EML4: variants seen among roughly 807,000 people sequenced by gnomAD.
EML4 encodes EMAP like 4.
A neutral mutation model predicts 129.0 loss-of-function variants in EML4; 72 were observed. The observed-to-expected ratio is 0.56, with a 90% CI of 0.46 to 0.68. The LOEUF is 0.68. EML4 is among the 30% of genes least tolerant of loss of function. The probability of loss-of-function intolerance (pLI) is 0.00; values close to 1 mark genes in which losing one functional copy is unlikely to be tolerated. For missense variants in EML4, 1,363 were observed against 1,190.6 expected (o/e 1.14, Z -2.13); for synonymous variants, 532 against 405.0 (o/e 1.31, Z -3.77).
intron 1 of EML4, among the ~76,000 whole-genome samples, chr2:42,209,746 A>C (rs1047088596): frequency 6.6e-6 from 1 of 152,172 alleles, no homozygotes; most frequent in Non-Finnish European, 1.5e-5. Flanking sequence ...CCTGACCAAC[A>C]CGGAGAAACC....
intron 1 of EML4, among the ~76,000 whole-genome samples, chr2:42,224,600 C>T (rs1265555040): frequency 6.6e-6 from 1 of 152,042 alleles, no homozygotes; most frequent in African/African-American, 2.4e-5. Context: ...TATGGTGCCT[C>T]TGTTTAACCT....
chr2:42,245,094 C>CCT (rs1675301196), intron 1 of EML4, among the ~76,000 whole-genome samples: 1 of 66,562 alleles, frequency 1.5e-5, no homozygotes. Flanking sequence ...AATTTTCTTT[C>CCT]TTTTTTTTTT....
At chr2:42,279,327 A>G (rs1411794187) in intron 6 of EML4, among the ~76,000 whole-genome samples, 2 of 152,162 alleles carry the variant, frequency 1.3e-5, no homozygotes, top group African/African-American at 4.8e-5. Context: ...GGATTGCAGC[A>G]TCATATGGTA....
chr2:42,321,798 T>C (rs1022635204), intron 19 of EML4, among the ~76,000 whole-genome samples: 3 of 152,276 alleles, frequency 2.0e-5, no homozygotes, highest in African/African-American at 7.2e-5. Context: ...AGCAAACGCA[T>C]ATCAAAAATG....
Position 42,282,829 on chromosome 2 carries a change from T to C in EML4, c.798T>C (p.Gly266=), listed in dbSNP as rs141306150. ...TGACTCTTTTTCTGTTAAGATATGG[T>C]TATCGAGGAAAGGACTGTAGAGCTA... ...PEKLKLEWAY[G]YRGKDCRANV... The change falls in exon 8 of 23, where the codon GGT becomes GGC. Residue 266 remains glycine, a synonymous_variant. Transcript: ENST00000318522. The C allele has an allele frequency of 6.2e-6, 10 of 1,611,138 alleles. No individual in the cohort carries two copies. In the African/African-American group the frequency reaches 1.2e-4, roughly 19 times the overall value.
intron 1 of EML4, among the ~76,000 whole-genome samples, chr2:42,208,678 C>A (rs1442872547): frequency 6.6e-6 from 1 of 151,988 alleles, no homozygotes; most frequent in Non-Finnish European, 1.5e-5. Context: ...CATGATCCAC[C>A]CTCCTTGGCC....
At chr2:42,218,496 A>T (rs368207827) in intron 1 of EML4, among the ~76,000 whole-genome samples, 2 of 152,170 alleles carry the variant, frequency 1.3e-5, no homozygotes, top group South Asian at 2.1e-4. Context: ...TGTCCCTGGT[A>T]TCAAAAAGTT....
At chr2:42,317,592 T>C in intron 19 of EML4, 68 bp downstream of exon 19, 1 of 1,039,346 alleles carries the variant, frequency 9.6e-7, no homozygotes, top group Non-Finnish European at 1.5e-6. Flanking sequence ...AACAAATTTT[T>C]ACATCGATGT....
intron 19 of EML4, among the ~76,000 whole-genome samples, chr2:42,323,171 T>C (rs747478154): frequency 2.2e-4 from 34 of 152,232 alleles, no homozygotes; most frequent in Non-Finnish European, 5.9e-5. Context: ...CTCAGAGGCC[T>C]GTACTTTGCC....
chr2:42,228,236 A>G (rs1674103225), intron 1 of EML4, among the ~76,000 whole-genome samples: 1 of 150,934 alleles, frequency 6.6e-6, no homozygotes, highest in Admixed American at 6.6e-5. Context: ...AAAAAAAAGT[A>G]TACATGGATT....
At chr2:42,222,392 A>G (rs1673664712) in intron 1 of EML4, among the ~76,000 whole-genome samples, 1 of 152,194 alleles carries the variant, frequency 6.6e-6, no homozygotes, top group African/African-American at 2.4e-5. Context: ...GAAAAAATCA[A>G]AAGAATATTT....
intron 21 of EML4, among the ~76,000 whole-genome samples, chr2:42,327,110 G>A (rs948470524): frequency 2.6e-5 from 4 of 152,128 alleles, no homozygotes; most frequent in African/African-American, 9.7e-5. Flanking sequence ...TTGATCCACT[G>A]AGACTAGCTT....
At chr2:42,215,035 A>G (rs1233527434) in intron 1 of EML4, among the ~76,000 whole-genome samples, 2 of 152,090 alleles carry the variant, frequency 1.3e-5, no homozygotes, top group Non-Finnish European at 2.9e-5. Flanking sequence ...TAGCTATACT[A>G]CAAGATCTAT....
intron 4 of EML4, among the ~76,000 whole-genome samples, 197 bp from the exon 5 acceptor site, chr2:42,262,981 C>T (rs1466835322): frequency 6.6e-6 from 1 of 152,126 alleles, no homozygotes. Context: ...CTGAGTGATA[C>T]AGAAAATTAT....
At chr2:42,312,551 A>G (rs1387315755) in intron 17 of EML4, among the ~76,000 whole-genome samples, 2 of 132,788 alleles carry the variant, frequency 1.5e-5, no homozygotes, top group African/African-American at 6.1e-5. Flanking sequence ...CCAATTGCCA[A>G]TCAGAATTTT....
chr2:42,247,415 T>C (rs1048570994), intron 2 of EML4, among the ~76,000 whole-genome samples: 4 of 152,114 alleles, frequency 2.6e-5, no homozygotes, highest in African/African-American at 4.8e-5. Flanking sequence ...GGGATACTTA[T>C]TGTGGAGGAA....
At chr2:42,224,029 GT>G (rs1186561792) in intron 1 of EML4, among the ~76,000 whole-genome samples, 1 of 151,958 alleles carries the variant, frequency 6.6e-6, no homozygotes, top group African/African-American at 2.4e-5. Context: ...TTGAATGAGG[GT>G]TTTTTTGTTG....
chr2:42,263,111 T>C, intron 4 of EML4, 67 bp from the exon 5 acceptor site: 2 of 1,334,518 alleles, frequency 1.5e-6, no homozygotes, highest in African/African-American at 3.0e-5. Context: ...TTGTGTTCTG[T>C]TTAAATTGTC....
intron 17 of EML4, among the ~76,000 whole-genome samples, chr2:42,309,196 A>G (rs1286512686): frequency 1.3e-5 from 2 of 152,074 alleles, no homozygotes; most frequent in Admixed American, 1.3e-4. Flanking sequence ...ACTTGAGCCT[A>G]GGAGTTTGAG....
Sources: allele counts gnomAD v4.1 joint callset (sites outside exome capture counted in the v4.1 genomes callset), GRCh38; gene constraint gnomAD v4.1.1; transcripts MANE v1.5; gene names NCBI Gene and HGNC (gene_info 2026-07-23, HGNC 2026-07-21).